The following SMO variants were observed in gnomAD, a reference collection of about 807,000 sequenced individuals.
SMO encodes the protein smoothened, frizzled class receptor, also known as protein smoothened.
SMO carries 40 observed loss-of-function variants against 81.6 expected under a neutral mutation model. That is an observed-to-expected ratio of 0.49 (90% CI 0.38 to 0.64). SMO has a LOEUF of 0.64. Among genes scored for constraint, SMO ranks in the 30% least tolerant of loss-of-function variants. SMO has a pLI of 0.00. For synonymous variants in SMO, 434 were observed against 432.1 expected (o/e 1.00, Z -0.05); for missense variants, 916 against 1,061.1 (o/e 0.86, Z 1.90).
rs201039134 is a variant in SMO at position 129,206,421 on chromosome 7, G to A, written c.1141-43G>A. On this transcript the variant is annotated intron_variant, in intron 5 of 11. Transcript: ENST00000249373. This position sits in a 1 kb window ranked among gnomAD's most constrained non-coding sequence, Gnocchi z 4.4. Reference sequence around the variant, plus strand: ...CCTGGATGGGGTGAGTTTGAGGGAGGGGGCCAGTAACCCACCTTCTGTCCC... The same window carrying A: ...CCTGGATGGGGTGAGTTTGAGGGAGAGGGCCAGTAACCCACCTTCTGTCCC... 6.2e-7 allele frequency: 1 copy of A among 1,613,978 alleles called. No individual in the cohort carries two copies. Among genetic ancestry groups the A allele is most frequent in the African/African-American group, 1.3e-5 (1 of 75,042 alleles).
chr7:129,211,776 A>G lies in SMO; in HGVS notation c.1936+6A>G, dbSNP rs1417596124. On this transcript the variant is annotated splice_donor_region_variant and intron_variant, in intron 11 of 11. Coordinates refer to ENST00000249373, the MANE Select transcript of SMO (RefSeq NM_005631.5). The surrounding 1 kb of genome is among the most constrained non-coding windows in gnomAD (Gnocchi z 4.6). ...CACCCCTGTGGCAACTCCAGGTATG[A>G]GAGTTCAAGCTTCTGGAGGAAGGTG... The G allele has an allele frequency of 5.0e-6, 8 of 1,613,818 alleles. No homozygotes were observed. The highest frequency in any genetic ancestry group is 6.8e-6 in the Non-Finnish European group (8 of 1,179,944).
At position 129,210,125 on chromosome 7, in the gene SMO, T is replaced by C. The variant is rs1793844929; in HGVS notation, c.1467-238T>C. 2.2e-6 allele frequency: 1 copy of C among 464,546 alleles called. No homozygotes were observed. Among genetic ancestry groups the C allele is most frequent in the South Asian group, 2.4e-5 (1 of 41,556 alleles). 28.8% of individuals were successfully genotyped at this position (464,546 alleles called of 1,614,324 possible). A position where few individuals can be genotyped will look rare whatever the true frequency, so the allele number is the denominator to read the frequency against. On this transcript the variant is annotated intron_variant, in intron 8 of 11. Transcript: ENST00000249373. The surrounding 1 kb of genome is among the most constrained non-coding windows in gnomAD (Gnocchi z 4.7). ...ATCAGTGCTGTGGAGCTTAGCCCTTTCTAAAGTTTTTGGATTGATTGTCTG... is the reference window on the plus strand; with the variant it reads ...ATCAGTGCTGTGGAGCTTAGCCCTTCCTAAAGTTTTTGGATTGATTGTCTG...
At chr7:129,195,721 T>A (rs1793561904) in intron 1 of SMO, among the ~76,000 whole-genome samples, 1 of 152,056 alleles carries the variant, frequency 6.6e-6, no homozygotes, top group Non-Finnish European at 1.5e-5. Flanking sequence ...AATATCAAAG[T>A]GATTATAAGC....
chr7:129,193,786 ATATATATAT>A (rs1226025319), intron 1 of SMO, among the ~76,000 whole-genome samples: 6 of 21,396 alleles, frequency 2.8e-4, no homozygotes, highest in African/African-American at 5.7e-4. Flanking sequence ...AAAAAAAAAA[ATATATATAT>A]ATATATATAT....
At chr7:129,191,201 A>G (rs1035056291) in intron 1 of SMO, among the ~76,000 whole-genome samples, 13 of 152,212 alleles carry the variant, frequency 8.5e-5, no homozygotes, top group Non-Finnish European at 1.9e-4. Flanking sequence ...AGTTAAATGC[A>G]TGTTTGATGT....
intron 1 of SMO, among the ~76,000 whole-genome samples, chr7:129,193,785 A>AATATATATATAT (rs71526088): frequency 1.2e-3 from 32 of 26,360 alleles, no homozygotes; most frequent in African/African-American, 2.2e-3. Flanking sequence ...AAAAAAAAAA[A>AATATATATATAT]ATATATATAT....
intron 1 of SMO, among the ~76,000 whole-genome samples, chr7:129,194,723 T>C (rs1793543167): frequency 6.6e-6 from 1 of 152,252 alleles, no homozygotes; most frequent in Non-Finnish European, 1.5e-5. Flanking sequence ...TCTTTTACTT[T>C]ATATCATTAT....
rs545414546 is a variant in SMO at position 129,189,900 on chromosome 7, C to T, written c.331+418C>T. On this transcript the variant is annotated intron_variant, in intron 1 of 11. Coordinates refer to ENST00000249373, the MANE Select transcript of SMO (RefSeq NM_005631.5). The surrounding 1 kb of genome is among the most constrained non-coding windows in gnomAD (Gnocchi z 4.7). ...TTGGAGAGGAAAAGGGGAGGGATGA[C>T]GGAGGAAGAGGTTTAGACATTTGGA... Among the ~76,000 whole-genome samples the T allele has an allele frequency of 3.9e-5, 6 of 152,038 alleles. No homozygotes were observed. In the East Asian group the frequency reaches 1.2e-3, roughly 29 times the overall value.
At chr7:129,197,188 T>A (rs1387557727) in intron 1 of SMO, among the ~76,000 whole-genome samples, 1 of 152,138 alleles carries the variant, frequency 6.6e-6, no homozygotes, top group Non-Finnish European at 1.5e-5. Context: ...TTTCCAAGTC[T>A]TATACCTTTT....
intron 1 of SMO, among the ~76,000 whole-genome samples, chr7:129,195,633 CA>C (rs1167492980): frequency 6.6e-6 from 1 of 151,928 alleles, no homozygotes; most frequent in Admixed American, 6.6e-5. Flanking sequence ...TAATAGTTAT[CA>C]AATATAAAAA....
intron 1 of SMO, among the ~76,000 whole-genome samples, chr7:129,192,760 G>A (rs1793498200): frequency 6.6e-6 from 1 of 152,190 alleles, no homozygotes; most frequent in Non-Finnish European, 1.5e-5. Context: ...GAGAATGCTA[G>A]AGGAAGAAGA....
intron 7 of SMO, 142 bp from the exon 8 acceptor site, chr7:129,209,146 CA>C: frequency 1.6e-6 from 1 of 624,750 alleles, no homozygotes; most frequent in Non-Finnish European, 2.9e-6. Flanking sequence ...TTAGAGAAAG[CA>C]GTTCTTGGAC....
At position 129,211,805 on chromosome 7, in the gene SMO, G is replaced by A. The variant is rs2150655895; in HGVS notation, c.1936+35G>A. 3.7e-6 allele frequency: 6 copies of A among 1,613,074 alleles called. No individual in the cohort carries two copies. Among genetic ancestry groups the A allele is most frequent in the Non-Finnish European group, 5.1e-6 (6 of 1,179,294 alleles). ...TTCAAGCTTCTGGAGGAAGGTGGGG[G>A]GAGCACAGAGGCTGGGGGCTTCTGG... On this transcript the variant is annotated intron_variant, in intron 11 of 11. Coordinates refer to ENST00000249373, the MANE Select transcript of SMO (RefSeq NM_005631.5). The surrounding 1 kb of genome is among the most constrained non-coding windows in gnomAD (Gnocchi z 4.6).
intron 1 of SMO, among the ~76,000 whole-genome samples, chr7:129,191,758 A>G (rs1793485438): frequency 6.6e-6 from 1 of 152,162 alleles, no homozygotes; most frequent in Non-Finnish European, 1.5e-5. Context: ...GGTTGTCTTC[A>G]TCGGTAAACT....
At chr7:129,196,744 A>G (rs955099872) in intron 1 of SMO, among the ~76,000 whole-genome samples, 6 of 152,148 alleles carry the variant, frequency 3.9e-5, no homozygotes, top group African/African-American at 9.7e-5. Flanking sequence ...CTGGCTGGGC[A>G]CGGTGGCTCA....
Position 129,194,035 on chromosome 7 carries a change from G to A in SMO, c.331+4553G>A, listed in dbSNP as rs553074186. On this transcript the variant is annotated intron_variant, in intron 1 of 11. Transcript: ENST00000249373. Reference sequence around the variant, plus strand: ...GGATCGCTTGAACCCAAGAGGTTGAGGCTGCAGTGAGCCATCCTCACACCA... The same window carrying A: ...GGATCGCTTGAACCCAAGAGGTTGAAGCTGCAGTGAGCCATCCTCACACCA... 3.3e-5 allele frequency among the ~76,000 whole-genome samples: 5 copies of A among 151,076 alleles called. No individual in the cohort carries two copies. In the East Asian group the frequency reaches 9.9e-4, roughly 30 times the overall value.
chr7:129,196,640 G>C (rs1045218708), intron 1 of SMO, among the ~76,000 whole-genome samples: 4 of 151,926 alleles, frequency 2.6e-5, no homozygotes, highest in African/African-American at 9.7e-5. Flanking sequence ...TTATTTGTTA[G>C]ACATTCCTAG....
Position 129,203,370 on chromosome 7 carries a change from G to A in SMO, c.332-14G>A, listed in dbSNP as rs1793701352. On this transcript the variant is annotated splice_polypyrimidine_tract_variant and intron_variant, in intron 1 of 11. Coordinates refer to ENST00000249373, the MANE Select transcript of SMO (RefSeq NM_005631.5). ...GAGGAGGGGCCTTCACTGCAATGCT[G>A]TTGCCACCCCCAGGCCTCCGGAATG... is the stretch of plus-strand genomic sequence containing the variant. 6.5e-7 allele frequency: 1 copy of A among 1,546,666 alleles called. No homozygotes were observed. Among genetic ancestry groups the A allele is most frequent in the Non-Finnish European group, 8.7e-7 (1 of 1,144,150 alleles).
intron 4 of SMO, 56 bp downstream of exon 4, chr7:129,205,838 G>A (rs944404833): frequency 3.2e-5 from 49 of 1,529,100 alleles, no homozygotes; most frequent in African/African-American, 1.6e-4. Flanking sequence ...TGAAGTGTGC[G>A]TTTACCCCAA....
Sources: allele counts gnomAD v4.1 joint callset (sites outside exome capture counted in the v4.1 genomes callset), GRCh38; gene constraint gnomAD v4.1.1; non-coding constraint Gnocchi (gnomAD v3.1); transcripts MANE v1.5; gene names NCBI Gene and HGNC (gene_info 2026-07-23, HGNC 2026-07-21).